Variants in ASB3 observed in about 807,000 individuals in gnomAD.
The protein encoded by ASB3 is ankyrin repeat and SOCS box protein 3.
In ASB3, 41 loss-of-function variants were observed where a neutral mutation model predicts 54.5. That is an observed-to-expected ratio of 0.75 (90% CI 0.59 to 0.98). The LOEUF (loss-of-function observed/expected upper bound fraction) is 0.98, where lower values mean the gene tolerates loss of function less well. ASB3 is among the 50% of genes least tolerant of loss of function. The pLI is 0.00. For synonymous variants in ASB3, 266 were observed against 221.2 expected, an observed-to-expected ratio of 1.20 and a Z score of -1.80; for missense variants, 733 against 620.0, an observed-to-expected ratio of 1.18 and a Z score of -1.94.
chr2:53,709,988 C>T (rs1051555368), intron 7 of ASB3, among the ~76,000 whole-genome samples: 1 of 152,244 alleles, frequency 6.6e-6, no homozygotes. Context: ...TTCCTGCCAA[C>T]ACCCAGCCAT....
intron 2 of ASB3, among the ~76,000 whole-genome samples, chr2:53,762,292 T>C (rs1673189644): frequency 6.6e-6 from 1 of 151,892 alleles, no homozygotes; most frequent in South Asian, 2.1e-4. Context: ...TGGCCCAGAG[T>C]TTCTGGCCTG....
At chr2:53,694,746 G>A (rs1052399257) in intron 8 of ASB3, among the ~76,000 whole-genome samples, 1 of 152,090 alleles carries the variant, frequency 6.6e-6, no homozygotes, top group African/African-American at 2.4e-5. Context: ...TTATAAACAG[G>A]TTGCCTGAAT....
intron 3 of ASB3, among the ~76,000 whole-genome samples, chr2:53,733,951 G>A (rs893840409): frequency 3.3e-5 from 5 of 152,198 alleles, no homozygotes; most frequent in Non-Finnish European, 7.3e-5. Flanking sequence ...AGGGATGGGC[G>A]GAAATAAAGG....
intron 9 of ASB3, among the ~76,000 whole-genome samples, chr2:53,676,645 C>A (rs1363709257): frequency 6.6e-6 from 1 of 152,134 alleles, no homozygotes; most frequent in African/African-American, 2.4e-5. Context: ...ATGTCTGAGG[C>A]CTTCACATTC....
At chr2:53,714,654 C>T in intron 6 of ASB3, 73 bp from the exon 7 acceptor site, 2 of 1,488,820 alleles carry the variant, frequency 1.3e-6, no homozygotes, top group Non-Finnish European at 9.1e-7. Context: ...TTCTATAGCA[C>T]AATTTTTTTC....
At chr2:53,760,581 A>G (rs1375779478) in intron 2 of ASB3, among the ~76,000 whole-genome samples, 1 of 152,242 alleles carries the variant, frequency 6.6e-6, no homozygotes, top group East Asian at 1.9e-4. Flanking sequence ...TCTTCCCCTC[A>G]GGATGGCTAG....
chr2:53,718,175 G>A (rs72901242), intron 5 of ASB3, among the ~76,000 whole-genome samples: 28,615 of 152,096 alleles, frequency 0.19, 2,963 homozygotes, highest in East Asian at 0.44. Context: ...CATCCAGATA[G>A]AAGCAATACA....
intron 7 of ASB3, among the ~76,000 whole-genome samples, chr2:53,713,448 C>A (rs933954336): frequency 6.6e-6 from 1 of 152,170 alleles, no homozygotes; most frequent in Non-Finnish European, 1.5e-5. Flanking sequence ...TTACACACAG[C>A]TTTATTCTTA....
chr2:53,685,634 A>C (rs1419715106), intron 9 of ASB3, among the ~76,000 whole-genome samples: 2 of 152,184 alleles, frequency 1.3e-5, no homozygotes, highest in Non-Finnish European at 2.9e-5. Flanking sequence ...TGGAAAGACT[A>C]CCTTATAAAA....
intron 3 of ASB3, among the ~76,000 whole-genome samples, chr2:53,734,603 A>G (rs1671510977): frequency 6.6e-6 from 1 of 152,226 alleles, no homozygotes; most frequent in Non-Finnish European, 1.5e-5. Flanking sequence ...CACTTAATCA[A>G]TAACTATCAT....
At chr2:53,767,485 G>A in intron 1 of ASB3, 1 of 167,780 alleles carries the variant, frequency 6.0e-6, no homozygotes, top group Non-Finnish European at 1.3e-5. Flanking sequence ...GGACACGAGT[G>A]ACGACTCCTG....
chr2:53,714,391 G>A lies in ASB3; in HGVS notation c.973C>T (p.Gln325Ter). 1 of 1,614,094 alleles carries A rather than the reference G, an allele frequency of 6.2e-7. No homozygotes were observed. Among genetic ancestry groups the A allele is most frequent in the Non-Finnish European group, 8.5e-7 (1 of 1,179,994 alleles). The change falls in exon 7 of 10, where the codon CAA becomes TAA. Residue 325 changes from glutamine to a stop codon, truncating the protein, a stop_gained. Coordinates refer to ENST00000263634, the MANE Select transcript of ASB3 (RefSeq NM_016115.5). LOFTEE classifies it high-confidence loss of function. ...GFSSPVCMAF[Q>*]KDCEFFGIVN... ...CATAGCAAATATACATACTCCTTTT[G>A]GAAAGCCATGCACACAGGAGAACTG...
chr2:53,746,375 C>CA (rs1672223339), intron 3 of ASB3, among the ~76,000 whole-genome samples: 1 of 152,256 alleles, frequency 6.6e-6, no homozygotes, highest in Middle Eastern at 3.4e-3. Flanking sequence ...AAGACACTGA[C>CA]ACCCATATTA....
intron 3 of ASB3, among the ~76,000 whole-genome samples, chr2:53,750,192 C>T (rs967624756): frequency 6.6e-6 from 1 of 151,946 alleles, no homozygotes; most frequent in African/African-American, 2.4e-5. Flanking sequence ...CTTTATGGGA[C>T]ACAATGTCCC....
At position 53,715,221 on chromosome 2, in the gene ASB3, G is replaced by C. The variant is rs189725651; in HGVS notation, c.783-640C>G. On this transcript the variant is annotated intron_variant, in intron 6 of 9. Transcript: ENST00000263634. ...AAATAATTAAAACAAAAGTTCTTAG[G>C]TTATTTGTAAACTTACCTCTAGCAG... Among the ~76,000 whole-genome samples, 315 of 152,208 alleles carry C rather than the reference G, an allele frequency of 2.1e-3. 3 individuals carry two copies. Among genetic ancestry groups the C allele is most frequent in the Non-Finnish European group, 3.6e-3 (244 of 67,976 alleles).
intron 3 of ASB3, among the ~76,000 whole-genome samples, chr2:53,746,351 T>C (rs1354637604): frequency 6.6e-6 from 1 of 152,140 alleles, no homozygotes; most frequent in African/African-American, 2.4e-5. Context: ...TGTCCTATTA[T>C]TCATGATGCA....
intron 1 of ASB3, among the ~76,000 whole-genome samples, chr2:53,782,589 T>C (rs1674711198): frequency 6.6e-6 from 1 of 152,170 alleles, no homozygotes; most frequent in Non-Finnish European, 1.5e-5. Flanking sequence ...CACATCTATT[T>C]TGTTGTTATT....
At chr2:53,706,236 C>T (rs1669761576) in intron 7 of ASB3, among the ~76,000 whole-genome samples, 1 of 152,174 alleles carries the variant, frequency 6.6e-6, no homozygotes, top group African/African-American at 2.4e-5. Context: ...ATCCTTATCC[C>T]TCCACAAGGC....
chr2:53,703,951 C>G (rs888088402), intron 7 of ASB3, among the ~76,000 whole-genome samples: 5 of 152,106 alleles, frequency 3.3e-5, no homozygotes, highest in Non-Finnish European at 7.4e-5. Context: ...ATTAGAATAT[C>G]AAATAATTAA....
Sources: gnomAD v4.1 joint callset for allele counts (sites outside exome capture counted in the v4.1 genomes callset) on GRCh38, gnomAD v4.1.1 for gene constraint, MANE v1.5 for transcripts, NCBI Gene and HGNC (gene_info 2026-07-23, HGNC 2026-07-21) for gene names.